ABCC9: variants seen among roughly 807,000 people sequenced by gnomAD.
The protein encoded by ABCC9 is ATP-binding cassette sub-family C member 9.
In ABCC9, 95 loss-of-function variants were observed where a neutral mutation model predicts 188.3. The ratio of observed to expected loss-of-function variants is 0.50; its 90% CI spans 0.43 to 0.60. The LOEUF (loss-of-function observed/expected upper bound fraction) is 0.60, where lower values mean the gene tolerates loss of function less well. Ranked by LOEUF, ABCC9 falls within the 20% of genes least tolerant of loss-of-function variation. The pLI, the probability that ABCC9 is intolerant of heterozygous loss-of-function variation, is 0.00. For synonymous variants in ABCC9, 659 were observed against 652.7 expected (o/e 1.01, Z -0.15); for missense variants, 1,102 against 1,876.3 (o/e 0.59, Z 7.62).
chr12:21,825,215 C>A (rs556367430), intron 31 of ABCC9, among the ~76,000 whole-genome samples: 54 of 152,326 alleles, frequency 3.5e-4, no homozygotes, highest in Admixed American at 1.4e-3. Context: ...TTAGTTCAAC[C>A]ATTGTGGAAG....
In ABCC9 at chr12:21,941,199, C is replaced by T. The variant is rs1291281849; in HGVS notation, c.-137+1G>A. 6.6e-6 allele frequency: 1 copy of T among 152,282 alleles called. No homozygotes were observed. Among genetic ancestry groups the T allele is most frequent in the East Asian group, 1.9e-4 (1 of 5,192 alleles). The allele number at this position is 152,282 out of a possible 1,614,324, so 9.4% of individuals were successfully genotyped here. On this transcript the variant is annotated splice_donor_variant, in intron 1 of 39. Transcript: ENST00000261200. LOFTEE classifies it low-confidence loss of function (5UTR_SPLICE). The surrounding 1 kb of genome is among the most constrained non-coding windows in gnomAD (Gnocchi z 5.4). ...CATGTAAAAGACACGGATTCACTTACTCCGATGACAGTTTTCCTCCCCTAG... is the reference window on the plus strand; with the variant it reads ...CATGTAAAAGACACGGATTCACTTATTCCGATGACAGTTTTCCTCCCCTAG...
chr12:21,878,601 TACTC>T (rs1555098370), intron 16 of ABCC9, among the ~76,000 whole-genome samples: 1 of 152,166 alleles, frequency 6.6e-6, no homozygotes, highest in Non-Finnish European at 1.5e-5. Flanking sequence ...CTAGGAAACA[TACTC>T]ACATCTACAG....
At chr12:21,831,711 A>G (rs748725360) in intron 30 of ABCC9, among the ~76,000 whole-genome samples, 2 of 152,190 alleles carry the variant, frequency 1.3e-5, no homozygotes, top group Non-Finnish European at 2.9e-5. Flanking sequence ...TTTTTGGTGA[A>G]CAAGGCATTC....
chr12:21,898,648 T>C (rs1947554651), intron 12 of ABCC9, among the ~76,000 whole-genome samples: 1 of 152,218 alleles, frequency 6.6e-6, no homozygotes, highest in Non-Finnish European at 1.5e-5. Flanking sequence ...TTTTAATTTG[T>C]TAAAGGTCTT....
At chr12:21,915,496 G>A (rs373718833) in intron 7 of ABCC9, among the ~76,000 whole-genome samples, 172 bp downstream of exon 7, 975 of 5,312 alleles carry the variant, frequency 0.18, 177 homozygotes, top group East Asian at 0.39. Flanking sequence ...GTGTGTGTGT[G>A]TGTGTATATA....
intron 30 of ABCC9, among the ~76,000 whole-genome samples, chr12:21,833,679 C>G (rs999386006): frequency 6.6e-6 from 1 of 152,126 alleles, no homozygotes; most frequent in Non-Finnish European, 1.5e-5. Flanking sequence ...TCATCAACTT[C>G]CTGTTGTTTC....
rs183310681 is a variant in ABCC9 at position 21,801,824 on chromosome 12, C to A, written c.4513-643G>T. ...TATGCCATATATTAAGTTCTCCACA[C>A]ACATTCTTGTGAATCATTAGACCAT... On this transcript the variant is annotated intron_variant, in intron 39 of 39. Coordinates refer to ENST00000261200, the MANE Select transcript of ABCC9 (RefSeq NM_020297.4). Among the ~76,000 whole-genome samples the A allele has an allele frequency of 3.3e-5, 5 of 152,310 alleles. No homozygotes were observed. The East Asian group carries it at 9.6e-4, about 29-fold the overall frequency.
chr12:21,829,057 A>G lies in ABCC9; in HGVS notation c.3570T>C (p.His1190=). Residue 1190 remains histidine, a synonymous_variant, in exon 31 of 40, where the codon CAT becomes CAC. Coordinates refer to ENST00000261200, the MANE Select transcript of ABCC9 (RefSeq NM_020297.4). ...GCATACGTTGTTTAAATCTGGTTTCATGCCTGCAGAAAACAAAAACACGAT... is the reference window on the plus strand; with the variant it reads ...GCATACGTTGTTTAAATCTGGTTTCGTGCCTGCAGAAAACAAAAACACGAT... The part of the protein sequence containing the change: ...EGLTTIRAFR[H]ETRFKQRMLE... The G allele has an allele frequency of 1.2e-5, 20 of 1,613,518 alleles. No individual in the cohort carries two copies. Among genetic ancestry groups the G allele is most frequent in the Non-Finnish European group, 1.7e-5 (20 of 1,179,494 alleles).
At chr12:21,921,882 G>T (rs1165306605) in intron 5 of ABCC9, among the ~76,000 whole-genome samples, 2 of 151,770 alleles carry the variant, frequency 1.3e-5, no homozygotes, top group Non-Finnish European at 2.9e-5. Context: ...CTTCACTATA[G>T]ATGTATGGAT....
chr12:21,888,070 G>T, intron 14 of ABCC9, 136 bp from the exon 15 acceptor site: 1 of 716,354 alleles, frequency 1.4e-6, no homozygotes, highest in East Asian at 2.6e-5. Flanking sequence ...AAGACCAACT[G>T]GGAATTCAGC....
intron 27 of ABCC9, 34 bp downstream of exon 27, chr12:21,844,733 T>G (rs542306593): frequency 1.2e-6 from 2 of 1,611,642 alleles, no homozygotes; most frequent in Non-Finnish European, 1.7e-6. Context: ...TTTATTATTT[T>G]ATGTGTGGGA....
intron 18 of ABCC9, 123 bp downstream of exon 18, chr12:21,872,502 G>T (rs76133304): frequency 5.3e-6 from 4 of 750,454 alleles, no homozygotes; most frequent in Non-Finnish European, 9.2e-6. Flanking sequence ...TTTTTTTAAA[G>T]CTGTGCTTAT....
At chr12:21,871,645 C>G (rs1016015246) in intron 18 of ABCC9, among the ~76,000 whole-genome samples, 2 of 152,204 alleles carry the variant, frequency 1.3e-5, no homozygotes, top group Non-Finnish European at 2.9e-5. Context: ...GAAAGAACAT[C>G]TGTGGGTTTC....
At position 21,854,907 on chromosome 12, in the gene ABCC9, G is replaced by A. The variant is rs923196679; in HGVS notation, c.2506-2402C>T. On this transcript the variant is annotated intron_variant, in intron 22 of 39. Transcript: ENST00000261200. ...AATGGAAAAATATCAGGATTACACT[G>A]ACAAAAGTGTCTCCATTTCCATCAC... Among the ~76,000 whole-genome samples, 5 of 152,198 alleles carry A rather than the reference G, an allele frequency of 3.3e-5. No individual in the cohort carries two copies. The East Asian group carries it at 9.7e-4, about 29-fold the overall frequency.
chr12:21,880,077 T>A (rs755525462), intron 16 of ABCC9, among the ~76,000 whole-genome samples: 2 of 150,980 alleles, frequency 1.3e-5, no homozygotes, highest in Non-Finnish European at 2.9e-5. Flanking sequence ...CAACTAGATA[T>A]CACACTTGAA....
intron 18 of ABCC9, among the ~76,000 whole-genome samples, chr12:21,868,572 G>A (rs1367055099): frequency 5.3e-5 from 8 of 152,148 alleles, no homozygotes; most frequent in Non-Finnish European, 8.8e-5. Context: ...CCAGGAGGCC[G>A]AGCTTGCAGT....
chr12:21,927,993 G>T (rs988232995), intron 4 of ABCC9, among the ~76,000 whole-genome samples: 1 of 152,074 alleles, frequency 6.6e-6, no homozygotes, highest in Admixed American at 6.6e-5. Flanking sequence ...GCCGAGGTGG[G>T]CGGATCACTC....
intron 22 of ABCC9, among the ~76,000 whole-genome samples, chr12:21,856,581 T>C (rs1457320460): frequency 6.6e-6 from 1 of 152,176 alleles, no homozygotes; most frequent in Non-Finnish European, 1.5e-5. Context: ...ATGATAAAAA[T>C]TTATTTAGAG....
At chr12:21,894,819 T>A (rs1947323260) in intron 13 of ABCC9, among the ~76,000 whole-genome samples, 1 of 152,214 alleles carries the variant, frequency 6.6e-6, no homozygotes, top group African/African-American at 2.4e-5. Context: ...TTTTGTCATT[T>A]TAGTATGAAA....
Sources: gnomAD v4.1 joint callset for allele counts (sites outside exome capture counted in the v4.1 genomes callset) on GRCh38, gnomAD v4.1.1 for gene constraint, Gnocchi (gnomAD v3.1) non-coding constraint, MANE v1.5 for transcripts, NCBI Gene and HGNC (gene_info 2026-07-23, HGNC 2026-07-21) for gene names.